The following KIAA1210 variants were observed in gnomAD, a reference collection of about 807,000 sequenced individuals.
KIAA1210 encodes the protein acrosomal protein KIAA1210.
Under a neutral mutation model 78.9 loss-of-function variants are expected in KIAA1210, and 48 were observed. The ratio of observed to expected loss-of-function variants is 0.61; its 90% CI spans 0.48 to 0.77. KIAA1210 has a LOEUF of 0.77. Among genes scored for constraint, KIAA1210 ranks in the 30% least tolerant of loss-of-function variants. The probability of loss-of-function intolerance (pLI) is 0.00; values close to 1 mark genes in which losing one functional copy is unlikely to be tolerated. For synonymous variants in KIAA1210, 406 were observed against 404.5 expected, an observed-to-expected ratio of 1.00 and a Z score of -0.04; for missense variants, 1,108 against 1,100.0, an observed-to-expected ratio of 1.01 and a Z score of -0.10.
At chrX:119,096,790 T>C in intron 6 of KIAA1210, 99 bp from the exon 7 acceptor site, 1 of 612,855 alleles carries the variant, frequency 1.6e-6, no homozygotes, top group Non-Finnish European at 2.5e-6. Flanking sequence ...AAAGAAGAAA[T>C]CCTTCATGAA....
chrX:119,098,547 G>C (rs1927629425), intron 6 of KIAA1210, among the ~76,000 whole-genome samples: 1 of 103,359 alleles, frequency 9.7e-6, no homozygotes, highest in Non-Finnish European at 2.0e-5. Context: ...GGAGGTTTCA[G>C]TGAGCTGAGA....
chrX:119,150,598 C>T (rs748710925), upstream of KIAA1210: 2 of 1,186,400 alleles, frequency 1.7e-6, no homozygotes, highest in East Asian at 6.0e-5. Flanking sequence ...GTAGAGTTGA[C>T]CTGTCTCTGT....
chrX:119,134,693 C>G (rs1928872228), intron 2 of KIAA1210, among the ~76,000 whole-genome samples: 1 of 112,089 alleles, frequency 8.9e-6, no homozygotes, highest in Admixed American at 9.5e-5. Flanking sequence ...ACCCTCTCCA[C>G]CTCGCCATCA....
chrX:119,094,061 C>G (rs1379122936), intron 7 of KIAA1210: 1 of 1,206,942 alleles, frequency 8.3e-7, no homozygotes, highest in Non-Finnish European at 1.1e-6. Flanking sequence ...CTAAAATACC[C>G]TGGAAATGAC....
At chrX:119,120,530 ACAAT>A (rs1928422871) in intron 2 of KIAA1210, among the ~76,000 whole-genome samples, 1 of 112,250 alleles carries the variant, frequency 8.9e-6, no homozygotes, top group Non-Finnish European at 1.9e-5. Flanking sequence ...AATTCAACAA[ACAAT>A]CATTGTATGA....
At chrX:119,110,451 C>T (rs1316891452) in intron 3 of KIAA1210, among the ~76,000 whole-genome samples, 2 of 111,247 alleles carry the variant, frequency 1.8e-5, no homozygotes, top group Non-Finnish European at 3.8e-5. Flanking sequence ...CTATTCGACA[C>T]TGTATGGGAG....
At chrX:119,121,106 C>T (rs1928443894) in intron 2 of KIAA1210, among the ~76,000 whole-genome samples, 1 of 111,476 alleles carries the variant, frequency 9.0e-6, no homozygotes, top group Non-Finnish European at 1.9e-5. Flanking sequence ...GGGTACTGTC[C>T]ATGTGCTATG....
intron 7 of KIAA1210, among the ~76,000 whole-genome samples, chrX:119,095,576 C>T (rs754884847): frequency 8.1e-5 from 9 of 110,717 alleles, no homozygotes; most frequent in Non-Finnish European, 1.1e-4. Context: ...TTAGTAGAGA[C>T]GGGGTTTCTG....
Position 119,109,143 on chromosome X carries a change from G to A in KIAA1210, c.290C>T (p.Pro97Leu), listed in dbSNP as rs746999864. ...LSHDSIFMLG[P>L]EPERSASKMF... Reference sequence around the variant, plus strand: ...TTTACTTGCTGATCTTTCAGGCTCAGGACCCAACATGAAGATGCTATCATG... The same window carrying A: ...TTTACTTGCTGATCTTTCAGGCTCAAGACCCAACATGAAGATGCTATCATG... Residue 97 changes from proline to leucine, a missense_variant, in exon 4 of 12, where the codon CCT becomes CTT. Pro to Leu is a moderately conservative substitution (Grantham distance 98). Coordinates refer to ENST00000691062, the MANE Select transcript of KIAA1210 (RefSeq NM_001394962.1). The A allele has an allele frequency of 8.3e-7, 1 of 1,207,333 alleles. No individual in the cohort carries two copies. Among genetic ancestry groups the A allele is most frequent in the Non-Finnish European group, 1.1e-6 (1 of 892,288 alleles).
At chrX:119,116,928 G>A (rs1245697226) in intron 2 of KIAA1210, among the ~76,000 whole-genome samples, 4 of 112,221 alleles carry the variant, frequency 3.6e-5, no homozygotes, top group Non-Finnish European at 1.9e-5. Context: ...CTGCTATTCA[G>A]GCCAAACTCA....
intron 8 of KIAA1210, among the ~76,000 whole-genome samples, chrX:119,091,623 C>T (rs1040782149): frequency 3.6e-5 from 4 of 111,726 alleles, no homozygotes; most frequent in Non-Finnish European, 7.5e-5. Context: ...CCTTTCTTCC[C>T]TCACTATCTG....
chrX:119,091,999 A>T (rs185983970), intron 8 of KIAA1210, among the ~76,000 whole-genome samples: 25 of 111,718 alleles, frequency 2.2e-4, no homozygotes, highest in African/African-American at 8.1e-4. Flanking sequence ...AATGTACATT[A>T]CTCTAATGAC....
rs904234996 is a variant in KIAA1210 at position 119,146,683 on chromosome X, C to G, written c.410+790G>C. Among the ~76,000 whole-genome samples the G allele has an allele frequency of 3.6e-5, 4 of 111,759 alleles. No individual in the cohort carries two copies. The East Asian group carries it at 1.1e-3, about 31-fold the overall frequency. Reference sequence around the variant, plus strand: ...GAGCCAGTTTCCCCCTAACTCCTTACAGAGGGTGAGGCTGGGGGCCTGGGA... The same window carrying G: ...GAGCCAGTTTCCCCCTAACTCCTTAGAGAGGGTGAGGCTGGGGGCCTGGGA... On this transcript the variant is annotated intron_variant, in intron 2 of 13. Transcript: ENST00000402510.
chrX:119,123,587 T>C lies in KIAA1210; in HGVS notation c.56A>G (p.Asp19Gly), dbSNP rs758284480. Residue 19 changes from aspartate (D) to glycine (G), a missense_variant, in exon 2 of 12, where the codon GAT becomes GGT. Coordinates refer to ENST00000691062, the MANE Select transcript of KIAA1210 (RefSeq NM_001394962.1). ...AGTTTTATTGGGTTACTTACCCTCA[T>C]CACCGGCCTCCAGAACATCCAGACT... ...SDSLDVLEAGDEGKKKCKFKA... is the reference protein window; with the variant it reads ...SDSLDVLEAGGEGKKKCKFKA... 7 of 1,194,079 alleles carry C rather than the reference T, an allele frequency of 5.9e-6. No homozygotes were observed. In the Admixed American group the frequency reaches 1.5e-4, roughly 26 times the overall value.
At chrX:119,096,768 T>G in intron 6 of KIAA1210, 77 bp from the exon 7 acceptor site, 2 of 739,790 alleles carry the variant, frequency 2.7e-6, no homozygotes, top group Non-Finnish European at 3.9e-6. Context: ...TTCTTCCGGC[T>G]GAAGAATTCC....
rs771440323 is a variant in KIAA1210, at chrX:119,086,897, C to T, written c.3805G>A (p.Gly1269Ser). The T allele has an allele frequency of 8.3e-7, 1 of 1,211,123 alleles. No individual in the cohort carries two copies. Among genetic ancestry groups the T allele is most frequent in the Non-Finnish European group, 1.1e-6 (1 of 895,196 alleles). Residue 1269 changes from glycine to serine, a missense_variant, in exon 9 of 12, where the codon GGC becomes AGC. Coordinates refer to ENST00000691062, the MANE Select transcript of KIAA1210 (RefSeq NM_001394962.1). ...APVRQTSTSGGIYSKKEDLES... is the reference protein window; with the variant it reads ...APVRQTSTSGSIYSKKEDLES... Reference sequence around the variant, plus strand: ...AGATCTTCTTTCTTAGAGTAAATGCCCCCAGAAGTGGATGTTTGCCTGACA... The same window carrying T: ...AGATCTTCTTTCTTAGAGTAAATGCTCCCAGAAGTGGATGTTTGCCTGACA...
intron 8 of KIAA1210, 133 bp from the exon 9 acceptor site, chrX:119,089,879 G>A: frequency 1.8e-6 from 1 of 557,188 alleles, no homozygotes; most frequent in Non-Finnish European, 2.8e-6. Flanking sequence ...CTATTTGGAA[G>A]ACAGAGGGCA....
intron 3 of KIAA1210, among the ~76,000 whole-genome samples, chrX:119,109,984 A>G: frequency 8.9e-6 from 1 of 112,060 alleles, no homozygotes; most frequent in Admixed American, 9.5e-5. Context: ...AACAAATGAA[A>G]GGCTAAAGAC....
chrX:119,150,065 T>C (rs978071789), intron 1 of KIAA1210, among the ~76,000 whole-genome samples: 19 of 112,383 alleles, frequency 1.7e-4, no homozygotes, highest in Admixed American at 9.4e-5. Context: ...ATGGTGTTAC[T>C]AATCAATGAA....
Sources: gnomAD v4.1 joint callset for allele counts (sites outside exome capture counted in the v4.1 genomes callset) on GRCh38, gnomAD v4.1.1 for gene constraint, MANE v1.5 for transcripts, NCBI Gene and HGNC (gene_info 2026-07-23, HGNC 2026-07-21) for gene names.